Variants in EIF4G3 observed in about 807,000 individuals in gnomAD.
EIF4G3 encodes the protein eIF-4-gamma 3.
EIF4G3 carries 34 observed loss-of-function variants against 186.4 expected under a neutral mutation model. That is an observed-to-expected ratio of 0.18 (90% CI 0.14 to 0.24). The LOEUF (loss-of-function observed/expected upper bound fraction) is 0.24, where lower values mean the gene tolerates loss of function less well. Among genes scored for constraint, EIF4G3 ranks in the 10% least tolerant of loss-of-function variants. The pLI is 1.00. For missense variants in EIF4G3, 1,536 were observed against 1,948.5 expected, an observed-to-expected ratio of 0.79 and a Z score of 3.99; for synonymous variants, 673 against 679.5, an observed-to-expected ratio of 0.99 and a Z score of 0.15.
intron 2 of EIF4G3, among the ~76,000 whole-genome samples, chr1:21,103,458 T>G (rs2096562051): frequency 1.3e-5 from 2 of 152,312 alleles, no homozygotes; most frequent in South Asian, 4.1e-4. Context: ...ATATTGAGTG[T>G]GATTCATTTT....
chr1:20,923,351 A>G (rs1415422251), intron 14 of EIF4G3, among the ~76,000 whole-genome samples: 3 of 152,176 alleles, frequency 2.0e-5, no homozygotes, highest in South Asian at 2.1e-4. Flanking sequence ...GATGACTCCA[A>G]TGAGACCACT....
Position 20,853,683 on chromosome 1 carries a change from CAT to C in EIF4G3, c.3434-8_3434-7del, listed in dbSNP as rs1270756396. 8 of 1,598,788 alleles carry C rather than the reference CAT, an allele frequency of 5.0e-6. No individual in the cohort carries two copies. The highest frequency in any genetic ancestry group is 1.3e-5 in the African/African-American group (1 of 74,556). On this transcript the variant is annotated splice_region_variant and splice_polypyrimidine_tract_variant and intron_variant, in intron 26 of 36. Transcript: ENST00000602326. ...AGCACTTGACCGTAAGGCATCTACA[CAT>C]GTCGAGGATTTAGAAAAAAATACAA...
intron 2 of EIF4G3, among the ~76,000 whole-genome samples, chr1:21,115,354 A>AT (rs1484981768): frequency 6.6e-6 from 1 of 152,156 alleles, no homozygotes; most frequent in Admixed American, 6.6e-5. Flanking sequence ...AGCACACAGT[A>AT]TTTTTTACTA....
intron 3 of EIF4G3, among the ~76,000 whole-genome samples, chr1:21,059,100 G>C (rs1207782865): frequency 2.0e-5 from 3 of 151,926 alleles, no homozygotes; most frequent in Non-Finnish European, 4.4e-5. Context: ...TAATTTTTCA[G>C]CAACAAATGA....
chr1:20,988,105 A>G (rs891864312), intron 7 of EIF4G3, among the ~76,000 whole-genome samples: 1 of 152,244 alleles, frequency 6.6e-6, no homozygotes, highest in Admixed American at 6.5e-5. Context: ...CAATTCTGTG[A>G]AGGCTGAGAG....
intron 34 of EIF4G3, among the ~76,000 whole-genome samples, chr1:20,814,528 C>T (rs557327448): frequency 7.9e-5 from 12 of 152,054 alleles, no homozygotes; most frequent in South Asian, 2.1e-4. Context: ...TATGAAAGAA[C>T]AACACCACAA....
chr1:21,010,419 C>G (rs1483574227), intron 4 of EIF4G3, among the ~76,000 whole-genome samples: 1 of 101,168 alleles, frequency 9.9e-6, no homozygotes, highest in East Asian at 3.5e-4. Flanking sequence ...GACTCTGTCT[C>G]AAAAAAAAAA....
At chr1:21,045,137 T>TA (rs1309479107) in intron 4 of EIF4G3, among the ~76,000 whole-genome samples, 3 of 151,470 alleles carry the variant, frequency 2.0e-5, no homozygotes, top group Non-Finnish European at 2.9e-5. Flanking sequence ...AAAAAATAAA[T>TA]AAAAAAACAG....
chr1:21,082,664 G>A (rs553605527), intron 3 of EIF4G3, among the ~76,000 whole-genome samples: 1 of 152,232 alleles, frequency 6.6e-6, no homozygotes, highest in East Asian at 1.9e-4. Flanking sequence ...CACTTTGAGT[G>A]GCTGAGGTGA....
chr1:21,031,341 TCAAA>T (rs1209462510), intron 4 of EIF4G3, among the ~76,000 whole-genome samples: 3 of 140,204 alleles, frequency 2.1e-5, no homozygotes, highest in Non-Finnish European at 4.6e-5. Context: ...ACTAAAATTC[TCAAA>T]CAATGAGAAA....
At chr1:20,900,536 G>GAA (rs1181952338) in intron 15 of EIF4G3, among the ~76,000 whole-genome samples, 1 of 143,070 alleles carries the variant, frequency 7.0e-6, no homozygotes, top group African/African-American at 2.6e-5. Flanking sequence ...GAGAGAGAGA[G>GAA]AAAAAAAAAA....
chr1:20,863,430 CTTTT>C (rs5772919), intron 22 of EIF4G3, among the ~76,000 whole-genome samples: 1 of 116,650 alleles, frequency 8.6e-6, no homozygotes, highest in Non-Finnish European at 1.8e-5. Flanking sequence ...ACCCTGTTAC[CTTTT>C]TTTTTTTTTT....
chr1:21,019,219 T>C (rs918555392), intron 4 of EIF4G3, among the ~76,000 whole-genome samples: 1 of 152,176 alleles, frequency 6.6e-6, no homozygotes, highest in African/African-American at 2.4e-5. Flanking sequence ...AAAACAACAA[T>C]ATTACTCTAG....
intron 3 of EIF4G3, among the ~76,000 whole-genome samples, chr1:21,055,591 G>A (rs547822031): frequency 6.6e-6 from 1 of 152,188 alleles, no homozygotes; most frequent in South Asian, 2.1e-4. Flanking sequence ...GGATTACAGA[G>A]CAATGTGTCA....
chr1:20,857,666 G>C (rs985990978), intron 24 of EIF4G3, among the ~76,000 whole-genome samples, 169 bp from the exon 25 acceptor site: 1 of 152,054 alleles, frequency 6.6e-6, no homozygotes, highest in Non-Finnish European at 1.5e-5. Flanking sequence ...GAAGCACCCT[G>C]TATCAGCAGA....
At chr1:20,979,778 G>C (rs1382765994) in intron 10 of EIF4G3, among the ~76,000 whole-genome samples, 1 of 148,606 alleles carries the variant, frequency 6.7e-6, no homozygotes, top group African/African-American at 2.5e-5. Context: ...TTGAGATGGA[G>C]TCTCGCTCTG....
At chr1:20,886,180 A>G (rs779012487) in intron 19 of EIF4G3, 21 bp downstream of exon 19, 2 of 1,591,436 alleles carry the variant, frequency 1.3e-6, no homozygotes, top group African/African-American at 2.7e-5. Flanking sequence ...AAAGAATGTT[A>G]GGATATGCTT....
At chr1:21,145,320 A>G (rs546848283) in intron 2 of EIF4G3, among the ~76,000 whole-genome samples, 56 of 124,568 alleles carry the variant, frequency 4.5e-4, no homozygotes, top group Non-Finnish European at 7.6e-4. Context: ...AAAAAACAAA[A>G]CAAAACAAAC....
chr1:20,933,431 T>C (rs193275186), intron 14 of EIF4G3, among the ~76,000 whole-genome samples: 42 of 152,026 alleles, frequency 2.8e-4, no homozygotes, highest in African/African-American at 9.4e-4. Context: ...CTGAGCCGGG[T>C]GGATCACAAG....
Sources: allele counts gnomAD v4.1 joint callset (sites outside exome capture counted in the v4.1 genomes callset), GRCh38; gene constraint gnomAD v4.1.1; transcripts MANE v1.5; gene names NCBI Gene and HGNC (gene_info 2026-07-23, HGNC 2026-07-21).